ZNF536: variants seen among roughly 807,000 people sequenced by gnomAD.
ZNF536 encodes zinc finger protein 536.
Under a neutral mutation model 84.5 loss-of-function variants are expected in ZNF536, and 13 were observed. That is an observed-to-expected ratio of 0.15 (90% CI 0.10 to 0.24). ZNF536 has a LOEUF of 0.24. Ranked by LOEUF, ZNF536 falls within the 10% of genes least tolerant of loss-of-function variation. The pLI is 1.00. For synonymous variants in ZNF536, 811 were observed against 742.5 expected, an observed-to-expected ratio of 1.09 and a Z score of -1.50; for missense variants, 1,536 against 1,747.5, an observed-to-expected ratio of 0.88 and a Z score of 2.16.
chr19:30,446,104 G>C (rs961590242), intron 2 of ZNF536, among the ~76,000 whole-genome samples: 2 of 151,664 alleles, frequency 1.3e-5, no homozygotes, highest in Non-Finnish European at 2.9e-5. Flanking sequence ...AAAAATTTAG[G>C]CAAATGTGGT....
intron 1 of ZNF536, among the ~76,000 whole-genome samples, chr19:30,636,227 G>C (rs2049059805): frequency 6.6e-6 from 1 of 152,156 alleles, no homozygotes; most frequent in Non-Finnish European, 1.5e-5. Context: ...TTTTAATGAT[G>C]AGGGAAATGA....
In ZNF536 at chr19:30,422,890, C is replaced by T. The variant is rs950500726; in HGVS notation, c.-2-20671C>T. Among the ~76,000 whole-genome samples the T allele has an allele frequency of 5.8e-5, 8 of 138,690 alleles. No homozygotes were observed. The East Asian group carries it at 1.1e-3, about 19-fold the overall frequency. The allele number at this position is 138,690 out of a possible 152,430, so 91.0% of individuals were successfully genotyped here. Reference sequence around the variant, plus strand: ...CCATCCATCCATCCATCCATCCATGCGTCTACCCACCCACCCATCCCTCCC... The same window carrying T: ...CCATCCATCCATCCATCCATCCATGTGTCTACCCACCCACCCATCCCTCCC... On this transcript the variant is annotated intron_variant, in intron 1 of 4. Transcript: ENST00000355537.
chr19:30,369,884 CT>C (rs2048555489), upstream of ZNF536, among the ~76,000 whole-genome samples: 3 of 151,964 alleles, frequency 2.0e-5, no homozygotes, highest in Non-Finnish European at 2.9e-5. Context: ...GGTACATAAG[CT>C]AGCTGGGGGT....
chr19:30,462,404 A>G (rs1470810025), intron 2 of ZNF536, among the ~76,000 whole-genome samples: 3 of 151,590 alleles, frequency 2.0e-5, no homozygotes, highest in Non-Finnish European at 4.4e-5. Context: ...GTGATGCTGT[A>G]TGTATATCTG....
intron 1 of ZNF536, among the ~76,000 whole-genome samples, chr19:30,673,574 A>G (rs1179677204): frequency 6.6e-6 from 1 of 152,174 alleles, no homozygotes; most frequent in East Asian, 1.9e-4. Flanking sequence ...CACATCTTAA[A>G]TAAAAGCAAT....
chr19:30,408,542 A>G (rs765047820), intron 1 of ZNF536, among the ~76,000 whole-genome samples: 2 of 152,150 alleles, frequency 1.3e-5, no homozygotes, highest in African/African-American at 2.4e-5. Flanking sequence ...CTCTGGTGAG[A>G]GTTGTGAGCT....
chr19:30,376,109 G>A (rs549977055), intron 1 of ZNF536, among the ~76,000 whole-genome samples: 2 of 152,052 alleles, frequency 1.3e-5, no homozygotes, highest in Admixed American at 6.5e-5. Flanking sequence ...CTGCTGTAGC[G>A]CCCTCTCCCT....
At chr19:30,338,884 C>T (rs1258862670) in intron 2 of ZNF536, among the ~76,000 whole-genome samples, 1 of 152,122 alleles carries the variant, frequency 6.6e-6, no homozygotes, top group East Asian at 1.9e-4. Context: ...ATCAGTTTCC[C>T]TATGGATGAA....
At chr19:30,700,201 C>CTTCCTTCCTTCT (rs1400524271) in intron 1 of ZNF536, among the ~76,000 whole-genome samples, 1 of 82,710 alleles carries the variant, frequency 1.2e-5, no homozygotes, top group African/African-American at 4.2e-5. Flanking sequence ...TCTTTCTTTC[C>CTTCCTTCCTTCT]TTCTTTCTTT....
chr19:30,411,857 AGATT>A (rs1359837770), intron 1 of ZNF536, among the ~76,000 whole-genome samples: 1 of 152,076 alleles, frequency 6.6e-6, no homozygotes, highest in Non-Finnish European at 1.5e-5. Flanking sequence ...TTGGATTTAT[AGATT>A]AATTTTAAAA....
At chr19:30,666,704 A>G (rs532374170) in intron 1 of ZNF536, among the ~76,000 whole-genome samples, 1 of 149,696 alleles carries the variant, frequency 6.7e-6, no homozygotes, top group South Asian at 2.1e-4. Flanking sequence ...GCTGGGACCC[A>G]GAAATACCTT....
At chr19:30,274,117 G>A (rs972101443) in intron 1 of ZNF536, among the ~76,000 whole-genome samples, 1 of 152,206 alleles carries the variant, frequency 6.6e-6, no homozygotes, top group African/African-American at 2.4e-5. Flanking sequence ...GAGATACCAA[G>A]ATAGTTCCGT....
intron 1 of ZNF536, among the ~76,000 whole-genome samples, chr19:30,437,711 A>G (rs181854220): frequency 4.3e-4 from 65 of 152,130 alleles, no homozygotes; most frequent in African/African-American, 1.5e-3. Context: ...CTGGGGGGGA[A>G]TGTTGCCATG....
Position 30,444,275 on chromosome 19 carries a change from G to A in ZNF536, c.713G>A (p.Cys238Tyr). 1 of 1,563,366 alleles carries A rather than the reference G, an allele frequency of 6.4e-7. No homozygotes were observed. The highest frequency in any genetic ancestry group is 2.4e-5 in the East Asian group (1 of 42,438). The change falls in exon 2 of 5, where the codon TGC (cysteine) becomes TAC (tyrosine). Residue 238 changes from cysteine to tyrosine, a missense_variant. By Grantham distance (194) the Cys-to-Tyr change is radical (BLOSUM62 -2). Coordinates refer to ENST00000355537, the MANE Select transcript of ZNF536 (RefSeq NM_014717.3). ...PHAQQAPLAA[C>Y]TLALQANHSV... ...GCCCAGCAGGCCCCGCTGGCCGCCT[G>A]CACCCTGGCCCTGCAGGCTAACCAC...
At chr19:30,256,828 T>C (rs1017119016) in intron 1 of ZNF536, among the ~76,000 whole-genome samples, 2 of 152,324 alleles carry the variant, frequency 1.3e-5, no homozygotes, top group African/African-American at 4.8e-5. Context: ...TTGAAAAATA[T>C]TCATTTATCA....
At chr19:30,558,385 G>C (rs2046042465), downstream of ZNF536, among the ~76,000 whole-genome samples, 1 of 152,166 alleles carries the variant, frequency 6.6e-6, no homozygotes, top group Non-Finnish European at 1.5e-5. Context: ...CAGAGGAACT[G>C]TGGCTGGGGT....
intron 1 of ZNF536, among the ~76,000 whole-genome samples, chr19:30,695,496 C>A (rs776280886): frequency 2.0e-5 from 3 of 152,128 alleles, no homozygotes; most frequent in Non-Finnish European, 2.9e-5. Context: ...TCCTGAGAAC[C>A]GCTTCTAGGA....
At chr19:30,531,373 G>T (rs1489409380) in intron 2 of ZNF536, among the ~76,000 whole-genome samples, 1 of 151,884 alleles carries the variant, frequency 6.6e-6, no homozygotes, top group African/African-American at 2.4e-5. Flanking sequence ...TGTGGCCTGG[G>T]CAAGTCCTTC....
At chr19:30,480,508 T>C (rs2054031850) in intron 2 of ZNF536, among the ~76,000 whole-genome samples, 1 of 151,346 alleles carries the variant, frequency 6.6e-6, no homozygotes. Context: ...TGAGAACACA[T>C]GGACACAGGG....
Sources: allele counts gnomAD v4.1 joint callset (sites outside exome capture counted in the v4.1 genomes callset), GRCh38; gene constraint gnomAD v4.1.1; transcripts MANE v1.5; gene names NCBI Gene and HGNC (gene_info 2026-07-23, HGNC 2026-07-21).